Variants in RGS6 observed in about 807,000 individuals in gnomAD.
The protein encoded by RGS6 is regulator of G protein signaling 6, also known as regulator of G-protein signaling 6.
RGS6 carries 30 observed loss-of-function variants against 78.5 expected under a neutral mutation model. The ratio of observed to expected loss-of-function variants is 0.38; its 90% CI spans 0.29 to 0.52. The LOEUF (loss-of-function observed/expected upper bound fraction) is 0.52. Ranked by LOEUF, RGS6 falls within the 20% of genes least tolerant of loss-of-function variation. The pLI is 0.85. For missense variants in RGS6, 495 were observed against 609.7 expected, an observed-to-expected ratio of 0.81 and a Z score of 1.98; for synonymous variants, 206 against 206.0, an observed-to-expected ratio of 1.00 and a Z score of 0.00.
chr14:72,124,787 A>G (rs1429362751), intron 2 of RGS6, among the ~76,000 whole-genome samples: 1 of 152,212 alleles, frequency 6.6e-6, no homozygotes, highest in East Asian at 1.9e-4. Flanking sequence ...ACATAAAAGT[A>G]TCTGGAACAG....
rs145641945 is a variant in RGS6 at position 72,350,044 on chromosome 14, A to G, written c.85-2051A>G. On this transcript the variant is annotated intron_variant, in intron 2 of 17. Transcript: ENST00000553525. ...CAAATTGCTCTAAATTGTTGGATTG[A>G]GTTTAGGAGACAAAGGCCAGCAGTA... 2.7e-4 allele frequency among the ~76,000 whole-genome samples: 41 copies of G among 152,318 alleles called. 1 individual carries two copies. In the East Asian group the frequency reaches 6.2e-3, roughly 23 times the overall value.
At chr14:72,472,219 C>G (rs909510993) in intron 8 of RGS6, among the ~76,000 whole-genome samples, 2 of 151,566 alleles carry the variant, frequency 1.3e-5, no homozygotes, top group Non-Finnish European at 2.9e-5. Context: ...ATCTATGCTG[C>G]AGATCAGAAC....
intron 2 of RGS6, among the ~76,000 whole-genome samples, chr14:71,977,764 A>G (rs1328583023): frequency 1.3e-5 from 2 of 151,822 alleles, no homozygotes; most frequent in African/African-American, 4.8e-5. Context: ...TTGGTTCCAT[A>G]TGAACTTTAA....
chr14:72,354,354 C>T (rs1462253666), intron 3 of RGS6, among the ~76,000 whole-genome samples: 7 of 151,248 alleles, frequency 4.6e-5, no homozygotes, highest in Admixed American at 1.3e-4. Context: ...GGCCGGGTGC[C>T]GTGACTCATG....
chr14:71,914,908 A>G, the RGS6 span, among the ~76,000 whole-genome samples: 1 of 152,096 alleles, frequency 6.6e-6, no homozygotes, highest in South Asian at 2.1e-4. Context: ...ACAGAGTGAC[A>G]TAAGAAATGA....
At chr14:72,054,785 C>T (rs1002965912) in intron 2 of RGS6, among the ~76,000 whole-genome samples, 18 of 152,210 alleles carry the variant, frequency 1.2e-4, no homozygotes, top group Non-Finnish European at 2.5e-4. Context: ...CATTCTCTTG[C>T]TTCACCCCTA....
chr14:71,988,499 A>G (rs1418443217), intron 2 of RGS6, among the ~76,000 whole-genome samples: 1 of 152,162 alleles, frequency 6.6e-6, no homozygotes, highest in Non-Finnish European at 1.5e-5. Flanking sequence ...AAATTTCAGT[A>G]TCTGTATATC....
chr14:72,301,466 G>A (rs965571352), intron 2 of RGS6, among the ~76,000 whole-genome samples: 6 of 151,798 alleles, frequency 4.0e-5, no homozygotes, highest in African/African-American at 1.2e-4. Context: ...GTTTCTCAAT[G>A]TGGAGAAGCT....
intron 2 of RGS6, among the ~76,000 whole-genome samples, chr14:71,998,413 C>G (rs2082780571): frequency 6.6e-6 from 1 of 152,084 alleles, no homozygotes; most frequent in African/African-American, 2.4e-5. Context: ...GAAGGGCAGC[C>G]CCAGGGAAAG....
intron 3 of RGS6, among the ~76,000 whole-genome samples, chr14:72,406,331 A>T (rs948423442): frequency 7.9e-5 from 12 of 152,038 alleles, no homozygotes; most frequent in African/African-American, 2.9e-4. Context: ...TTGCAGTGAG[A>T]TGAGATCGTG....
intron 1 of RGS6, among the ~76,000 whole-genome samples, chr14:71,937,060 C>T (rs2089567257): frequency 6.6e-6 from 1 of 152,170 alleles, no homozygotes; most frequent in Admixed American, 6.6e-5. Context: ...CTGAGAGATG[C>T]CCTAATGGAT....
At chr14:72,346,264 A>G (rs1290578737) in intron 2 of RGS6, among the ~76,000 whole-genome samples, 1 of 152,236 alleles carries the variant, frequency 6.6e-6, no homozygotes, top group East Asian at 1.9e-4. Flanking sequence ...TGAAGGAGCT[A>G]AGTAAATTAG....
At chr14:72,136,051 A>G (rs906579702) in intron 2 of RGS6, among the ~76,000 whole-genome samples, 1 of 152,214 alleles carries the variant, frequency 6.6e-6, no homozygotes, top group Admixed American at 6.5e-5. Flanking sequence ...CCTGACAGTT[A>G]TCATTTTCCT....
At chr14:72,343,453 A>C (rs2077405489) in intron 2 of RGS6, among the ~76,000 whole-genome samples, 1 of 152,230 alleles carries the variant, frequency 6.6e-6, no homozygotes, top group African/African-American at 2.4e-5. Flanking sequence ...GCATACCTGG[A>C]TAACCAGGGT....
intron 2 of RGS6, among the ~76,000 whole-genome samples, chr14:72,280,402 C>T (rs908258837): frequency 2.6e-5 from 4 of 152,222 alleles, no homozygotes; most frequent in Admixed American, 2.6e-4. Flanking sequence ...ACCTGATTCC[C>T]TCCAAGTCAT....
At chr14:72,627,334 G>A in the RGS6 span, among the ~76,000 whole-genome samples, 1 of 152,056 alleles carries the variant, frequency 6.6e-6, no homozygotes, top group African/African-American at 2.4e-5. Context: ...TATGTATGGT[G>A]TAAGATATAA....
chr14:71,872,233 C>G, the RGS6 span, among the ~76,000 whole-genome samples: 1 of 152,204 alleles, frequency 6.6e-6, no homozygotes, highest in Admixed American at 6.5e-5. Context: ...CTTCCATCCA[C>G]AGGATCAGAT....
intron 2 of RGS6, among the ~76,000 whole-genome samples, chr14:72,033,662 G>A (rs2091256310): frequency 6.6e-6 from 1 of 152,130 alleles, no homozygotes; most frequent in South Asian, 2.1e-4. Flanking sequence ...AAAATTTAAA[G>A]CATGGTTTCT....
intron 2 of RGS6, among the ~76,000 whole-genome samples, chr14:72,276,077 G>A (rs564444485): frequency 7.1e-4 from 108 of 152,250 alleles, no homozygotes; most frequent in African/African-American, 2.6e-3. Flanking sequence ...GTGCTGCTGG[G>A]TACATGTCTG....
Sources: allele counts gnomAD v4.1 joint callset (sites outside exome capture counted in the v4.1 genomes callset), GRCh38; gene constraint gnomAD v4.1.1; transcripts MANE v1.5; gene names NCBI Gene and HGNC (gene_info 2026-07-23, HGNC 2026-07-21).